CREB5: variants seen among roughly 807,000 people sequenced by gnomAD.
The protein encoded by CREB5 is cyclic AMP-responsive element-binding protein 5.
CREB5 carries 19 observed loss-of-function variants against 57.1 expected under a neutral mutation model. That is an observed-to-expected ratio of 0.33 (90% CI 0.23 to 0.49). CREB5 has a LOEUF of 0.49. Among genes scored for constraint, CREB5 ranks in the 20% least tolerant of loss-of-function variants. The pLI is 0.99. For missense variants in CREB5, 579 were observed against 671.6 expected, an observed-to-expected ratio of 0.86 and a Z score of 1.52; for synonymous variants, 238 against 238.3, an observed-to-expected ratio of 1.00 and a Z score of 0.01.
chr7:28,716,520 G>A (rs558948808), intron 5 of CREB5, among the ~76,000 whole-genome samples: 19 of 152,180 alleles, frequency 1.2e-4, no homozygotes, highest in Non-Finnish European at 2.8e-4. Flanking sequence ...ATGGATAGAT[G>A]GATGATTAGC....
At chr7:28,700,871 C>G (rs994536515) in intron 5 of CREB5, among the ~76,000 whole-genome samples, 3 of 151,738 alleles carry the variant, frequency 2.0e-5, no homozygotes, top group South Asian at 4.2e-4. Context: ...TGCGTGTAGG[C>G]ATCCAGCTAG....
chr7:28,602,148 A>C (rs1040097906), intron 5 of CREB5, among the ~76,000 whole-genome samples: 2 of 151,420 alleles, frequency 1.3e-5, no homozygotes, highest in African/African-American at 4.9e-5. Context: ...TTTATTTTTG[A>C]AATGGTCTCA....
chr7:28,673,636 A>ACATGAAGTTTCT lies in CREB5; in HGVS notation c.465-45115_465-45104dup, dbSNP rs1554283547. ...AATGAATAAAGCAGAGCCCGTGTTG[A>ACATGAAGTTTCT]CATGAAGTTTCTCTCTCTCTCTTTT... On this transcript the variant is annotated intron_variant, in intron 5 of 10. Coordinates refer to ENST00000357727, the MANE Select transcript of CREB5 (RefSeq NM_182898.4). Among the ~76,000 whole-genome samples the ACATGAAGTTTCT allele has an allele frequency of 2.1e-4, 30 of 140,098 alleles. No individual in the cohort carries two copies. The East Asian group carries it at 6.8e-3, about 32-fold the overall frequency. The allele number at this position is 140,098 out of a possible 152,430, so 91.9% of individuals were successfully genotyped here. A position where few individuals can be genotyped will look rare whatever the true frequency, so the allele number is the denominator to read the frequency against.
intron 1 of CREB5, among the ~76,000 whole-genome samples, chr7:28,482,777 G>A (rs1791386777): frequency 6.6e-6 from 1 of 152,174 alleles, no homozygotes; most frequent in Non-Finnish European, 1.5e-5. Context: ...CAGGGACACA[G>A]CCATATTGTT....
At chr7:28,739,283 T>C (rs895695075) in intron 7 of CREB5, among the ~76,000 whole-genome samples, 5 of 152,122 alleles carry the variant, frequency 3.3e-5, no homozygotes, top group African/African-American at 1.2e-4. Flanking sequence ...AAGCGCTCAA[T>C]AACTACATGA....
At chr7:28,494,597 G>T (rs759705811) in intron 2 of CREB5, among the ~76,000 whole-genome samples, 3 of 152,094 alleles carry the variant, frequency 2.0e-5, no homozygotes, top group African/African-American at 2.4e-5. Context: ...AAAATTTTCT[G>T]CTTATTATCA....
At chr7:28,532,822 T>G (rs1793786320) in intron 4 of CREB5, among the ~76,000 whole-genome samples, 1 of 152,198 alleles carries the variant, frequency 6.6e-6, no homozygotes, top group South Asian at 2.1e-4. Flanking sequence ...CATAGGAAGT[T>G]ACTATACCTC....
rs543748674 is a variant in CREB5, at chr7:28,603,635, C to T, written c.464+33098C>T. On this transcript the variant is annotated intron_variant, in intron 5 of 10. Transcript: ENST00000357727. ...AGTGGCTGCTAATGAGCAATGAGTA[C>T]AATCTGAATGTGTCATACACATTGT... Among the ~76,000 whole-genome samples the T allele has an allele frequency of 2.6e-5, 4 of 152,302 alleles. No individual in the cohort carries two copies. The South Asian group carries it at 8.3e-4, about 32-fold the overall frequency.
intron 7 of CREB5, chr7:28,726,683 C>T (rs914146004): frequency 1.3e-5 from 2 of 152,152 alleles, no homozygotes; most frequent in Non-Finnish European, 1.5e-5. Context: ...TTTTCAAGGA[C>T]TTTTCCAAAG....
chr7:28,652,706 A>T (rs1799185973), intron 5 of CREB5, among the ~76,000 whole-genome samples: 1 of 152,222 alleles, frequency 6.6e-6, no homozygotes, highest in Non-Finnish European at 1.5e-5. Context: ...ATAAACTGTT[A>T]TTACATAACT....
intron 7 of CREB5, among the ~76,000 whole-genome samples, chr7:28,752,551 C>A (rs1444105714): frequency 6.6e-6 from 1 of 152,194 alleles, no homozygotes; most frequent in African/African-American, 2.4e-5. Context: ...CGCATGGAAA[C>A]CTGAACTTAT....
At chr7:28,758,028 T>C (rs1316866168) in intron 7 of CREB5, among the ~76,000 whole-genome samples, 5 of 152,192 alleles carry the variant, frequency 3.3e-5, no homozygotes, top group African/African-American at 1.2e-4. Flanking sequence ...TTTGTAGCAG[T>C]AGTGTGGGCG....
intron 5 of CREB5, among the ~76,000 whole-genome samples, chr7:28,659,131 A>G (rs917102149): frequency 1.3e-5 from 2 of 151,764 alleles, no homozygotes; most frequent in South Asian, 2.1e-4. Flanking sequence ...AATGTTTTAA[A>G]CAACCTACTT....
chr7:28,786,048 A>G (rs1371539542), intron 7 of CREB5, among the ~76,000 whole-genome samples: 2 of 152,240 alleles, frequency 1.3e-5, no homozygotes, highest in East Asian at 3.8e-4. Context: ...GATAGTTTCA[A>G]GAAAACTAGT....
chr7:28,629,071 A>T (rs1308360380), intron 5 of CREB5, among the ~76,000 whole-genome samples: 1 of 152,198 alleles, frequency 6.6e-6, no homozygotes, highest in African/African-American at 2.4e-5. Flanking sequence ...CACCTGTGTC[A>T]TCTTGGACCA....
chr7:28,776,784 G>A (rs1376110106), intron 7 of CREB5, among the ~76,000 whole-genome samples: 1 of 152,154 alleles, frequency 6.6e-6, no homozygotes, highest in African/African-American at 2.4e-5. Context: ...ATAAAAATGG[G>A]ATCTGTTATA....
At chr7:28,549,344 A>AG (rs1274693891) in intron 4 of CREB5, among the ~76,000 whole-genome samples, 1 of 152,220 alleles carries the variant, frequency 6.6e-6, no homozygotes, top group African/African-American at 2.4e-5. Context: ...CTGTGAGTTC[A>AG]GTACAGCATC....
At chr7:28,690,229 CA>C (rs1446125686) in intron 5 of CREB5, among the ~76,000 whole-genome samples, 3 of 152,150 alleles carry the variant, frequency 2.0e-5, no homozygotes, top group Non-Finnish European at 2.9e-5. Flanking sequence ...GGCTGTGCTC[CA>C]CAGGTGAGCA....
intron 1 of CREB5, among the ~76,000 whole-genome samples, chr7:28,372,261 A>G (rs1215295882): frequency 1.3e-5 from 2 of 152,226 alleles, no homozygotes; most frequent in Admixed American, 6.5e-5. Flanking sequence ...CAAGTAATAT[A>G]AAAGGGTGAG....
Sources: allele counts gnomAD v4.1 joint callset (sites outside exome capture counted in the v4.1 genomes callset), GRCh38; gene constraint gnomAD v4.1.1; transcripts MANE v1.5; gene names NCBI Gene and HGNC (gene_info 2026-07-23, HGNC 2026-07-21).